CHD1: variants seen among roughly 807,000 people sequenced by gnomAD.
The protein encoded by CHD1 is ATP-dependent chromatin remodeler CHD1.
CHD1 carries 36 observed loss-of-function variants against 224.2 expected under a neutral mutation model. The observed-to-expected ratio is 0.16, with a 90% confidence interval of 0.12 to 0.21. CHD1 has a LOEUF of 0.21. Ranked by LOEUF, CHD1 falls within the 10% of genes least tolerant of loss-of-function variation. The pLI is 1.00. For missense variants in CHD1, 1,378 were observed against 1,994.8 expected (o/e 0.69, Z 5.89); for synonymous variants, 668 against 658.3 (o/e 1.01, Z -0.23).
intron 18 of CHD1, among the ~76,000 whole-genome samples, chr5:98,884,980 CATTGGCCTCCCAAAG>C (rs1750545653): frequency 6.6e-6 from 1 of 151,896 alleles, no homozygotes; most frequent in African/African-American, 2.4e-5. Context: ...GATTCTCCTG[CATTGGCCTCCCAAAG>C]TGCTGGGATT....
intron 13 of CHD1, among the ~76,000 whole-genome samples, chr5:98,893,912 A>T (rs1284762404): frequency 6.6e-6 from 1 of 152,048 alleles, no homozygotes; most frequent in Non-Finnish European, 1.5e-5. Context: ...TTTTAGCCTA[A>T]CCCCAATAGA....
chr5:98,906,248 T>A (rs958723228), intron 2 of CHD1, among the ~76,000 whole-genome samples: 11 of 152,212 alleles, frequency 7.2e-5, no homozygotes, highest in Non-Finnish European at 1.6e-4. Context: ...AAATGTTGTA[T>A]TCATAGAAAC....
At chr5:98,927,594 G>C (rs1753559126) in intron 1 of CHD1, among the ~76,000 whole-genome samples, 2 of 152,202 alleles carry the variant, frequency 1.3e-5, no homozygotes, top group Admixed American at 1.3e-4. Context: ...TATCTAAAAA[G>C]TAACCGTTCT....
chr5:98,880,095 T>TGGTCACAAAAC (rs1202039369), intron 22 of CHD1, among the ~76,000 whole-genome samples: 2 of 152,228 alleles, frequency 1.3e-5, no homozygotes, highest in African/African-American at 4.8e-5. Context: ...CAATCTAATA[T>TGGTCACAAAAC]CATTTTTATG....
intron 1 of CHD1, among the ~76,000 whole-genome samples, chr5:98,928,187 C>T (rs1334186263): frequency 1.3e-5 from 2 of 151,580 alleles, no homozygotes; most frequent in African/African-American, 4.8e-5. Flanking sequence ...CCCCCTCCCC[C>T]TCCCGCCGCT....
intron 26 of CHD1, 124 bp from the exon 27 acceptor site, chr5:98,872,679 G>A: frequency 4.9e-6 from 4 of 810,952 alleles, no homozygotes; most frequent in Non-Finnish European, 5.9e-6. Context: ...ATATTATTAA[G>A]AGATTACTGG....
In CHD1 at chr5:98,889,347, T is replaced by C. The variant is rs569670393; in HGVS notation, c.2181-109A>G. The C allele has an allele frequency of 1.6e-5, 12 of 732,272 alleles. No individual in the cohort carries two copies. In the East Asian group the frequency reaches 2.2e-4, roughly 13 times the overall value. 45.4% of individuals were successfully genotyped at this position (732,272 alleles called of 1,614,324 possible). On this transcript the variant is annotated intron_variant, in intron 15 of 35. Transcript: ENST00000614616. ...GCCAACGATAGTACCAAAGTAAAAC[T>C]GTACCGTTATAAAATTCACAGCTGT...
intron 32 of CHD1, among the ~76,000 whole-genome samples, chr5:98,863,010 A>AT (rs1274742269): frequency 3.9e-5 from 6 of 152,150 alleles, no homozygotes; most frequent in Non-Finnish European, 5.9e-5. Flanking sequence ...GAGGATGTTA[A>AT]TTTTTACATC....
intron 31 of CHD1, among the ~76,000 whole-genome samples, chr5:98,864,865 T>C (rs2112470449): frequency 6.6e-6 from 1 of 152,330 alleles, no homozygotes; most frequent in Non-Finnish European, 1.5e-5. Flanking sequence ...ACTTTGGCAG[T>C]TTATATTCTG....
At position 98,893,594 on chromosome 5, in the gene CHD1, C is replaced by T. The variant is rs765761471; in HGVS notation, c.1813G>A (p.Gly605Ser). ...ILLKDKAFLG[G>S]LNWAFIGVDE... ...ACACCTATAAATGCCCAATTTAGAC[C>T]TCCAAGGAATGCCTTAAAATAATAG... The change falls in exon 14 of 36, where the codon GGT becomes AGT. Residue 605 changes from glycine (G) to serine (S), a missense_variant. Around this residue, in one of 16 missense-constraint regions of CHD1, gnomAD observed 18 missense variants for 16.1 expected, o/e 1.11. Transcript: ENST00000614616. 6.3e-7 allele frequency: 1 copy of T among 1,586,764 alleles called. No individual in the cohort carries two copies.
At chr5:98,865,811 G>C (rs1748817675) in intron 31 of CHD1, among the ~76,000 whole-genome samples, 1 of 152,154 alleles carries the variant, frequency 6.6e-6, no homozygotes, top group Non-Finnish European at 1.5e-5. Flanking sequence ...CCACGTTTAA[G>C]AACTATTCCA....
At chr5:98,904,082 C>A (rs1246737854) in intron 3 of CHD1, among the ~76,000 whole-genome samples, 174 bp from the exon 4 acceptor site, 1 of 151,942 alleles carries the variant, frequency 6.6e-6, no homozygotes, top group Admixed American at 6.6e-5. Flanking sequence ...AAATGCTGAG[C>A]TCTAGTTATG....
chr5:98,900,818 T>A lies in CHD1; in HGVS notation c.852A>T (p.Arg284Ser). 6.2e-7 allele frequency: 1 copy of A among 1,605,658 alleles called. No individual in the cohort carries two copies. Residue 284 changes from arginine to serine, a missense_variant, in exon 7 of 36, where the codon AGA becomes AGT. Coordinates refer to ENST00000614616, the MANE Select transcript of CHD1 (RefSeq NM_001270.4). ...TGGTTTTTTAAAAACTACCTCCTTT[T>A]CTCCCAATCCGACAATCCATAAATC... is the stretch of plus-strand genomic sequence containing the variant. Reference protein sequence around the residue: ...IERFMDCRIGRKGATGATTTI... With the variant: ...IERFMDCRIGSKGATGATTTI...
At chr5:98,871,950 G>T in intron 28 of CHD1, 101 bp downstream of exon 28, 1 of 1,094,738 alleles carries the variant, frequency 9.1e-7, no homozygotes, top group Non-Finnish European at 1.3e-6. Context: ...CTAGTGCCTT[G>T]GTTTCCAGAT....
chr5:98,898,104 T>C (rs1751460987), intron 10 of CHD1, 152 bp downstream of exon 10: 1 of 385,130 alleles, frequency 2.6e-6, no homozygotes, highest in East Asian at 4.0e-5. Context: ...ACACAGCAAT[T>C]GCAGAAGTTC....
intron 2 of CHD1, among the ~76,000 whole-genome samples, chr5:98,920,233 TCCC>T (rs1753002621): frequency 6.6e-6 from 1 of 151,724 alleles, no homozygotes; most frequent in South Asian, 2.1e-4. Flanking sequence ...ATGTAAATAC[TCCC>T]CCCACCAGGA....
chr5:98,918,351 C>T (rs1434206554), intron 2 of CHD1, among the ~76,000 whole-genome samples: 3 of 151,592 alleles, frequency 2.0e-5, no homozygotes, highest in African/African-American at 4.8e-5. Flanking sequence ...TGAGCCACCG[C>T]GCCTGGCCAA....
chr5:98,882,139 T>G lies in CHD1; in HGVS notation c.2719-16A>C. 1 of 1,604,454 alleles carries G rather than the reference T, an allele frequency of 6.2e-7. No homozygotes were observed. Among genetic ancestry groups the G allele is most frequent in the African/African-American group, 1.4e-5 (1 of 72,582 alleles). ...AAATATTCACCTGTAAAAATACACA[T>G]GAGGAAACAAATTGCAGTATAAAGG... On this transcript the variant is annotated splice_polypyrimidine_tract_variant and intron_variant, in intron 19 of 35. Transcript: ENST00000614616.
intron 9 of CHD1, 92 bp downstream of exon 9, chr5:98,898,572 C>T: frequency 8.3e-7 from 1 of 1,209,490 alleles, no homozygotes; most frequent in Non-Finnish European, 1.2e-6. Context: ...GAGCAAGCTA[C>T]TGTGTTTGAT....
Sources: gnomAD v4.1 joint callset for allele counts (sites outside exome capture counted in the v4.1 genomes callset) on GRCh38, gnomAD v4.1.1 for gene constraint, gnomAD v4.1.1 regional missense constraint, MANE v1.5 for transcripts, NCBI Gene and HGNC (gene_info 2026-07-23, HGNC 2026-07-21) for gene names.